Variants in ENOSF1 observed in about 807,000 individuals in gnomAD.
The protein encoded by ENOSF1 is mitochondrial enolase superfamily member 1.
ENOSF1 carries 73 observed loss-of-function variants against 68.2 expected under a neutral mutation model. The observed-to-expected ratio is 1.07, with a 90% CI of 0.89 to 1.30. ENOSF1 has a LOEUF of 1.30. ENOSF1 is among the 50% of genes most tolerant of loss of function. The probability of loss-of-function intolerance (pLI) is 0.00; values close to 1 mark genes in which losing one functional copy is unlikely to be tolerated. For missense variants in ENOSF1, 589 were observed against 554.5 expected (o/e 1.06, Z -0.62); for synonymous variants, 223 against 210.4 (o/e 1.06, Z -0.52).
chr18:683,020 T>G (rs2076234533), intron 11 of ENOSF1: 1 of 503,462 alleles, frequency 2.0e-6, no homozygotes, highest in African/African-American at 1.9e-5. Flanking sequence ...TTTTAGCAGC[T>G]TACTTTATCT....
intron 2 of ENOSF1, among the ~76,000 whole-genome samples, chr18:705,768 C>T (rs575974240): frequency 2.6e-5 from 4 of 152,060 alleles, no homozygotes; most frequent in East Asian, 1.9e-4. Context: ...CAGCACTTTG[C>T]GAGGCTGAGA....
At position 696,556 on chromosome 18, in the gene ENOSF1, A is replaced by C. The variant is rs1161947794; in HGVS notation, c.309+684T>G. Among the ~76,000 whole-genome samples, 5 of 152,018 alleles carry C rather than the reference A, an allele frequency of 3.3e-5. No individual in the cohort carries two copies. In the East Asian group the frequency reaches 9.7e-4, roughly 30 times the overall value. On this transcript the variant is annotated intron_variant, in intron 3 of 15. Coordinates refer to ENST00000647584, the MANE Select transcript of ENOSF1 (RefSeq NM_017512.7). ...AACACTACTCACATTATTTCTCCATAAAGAGATTGCCCATTTAGTACTTTA... is the reference window on the plus strand; with the variant it reads ...AACACTACTCACATTATTTCTCCATCAAGAGATTGCCCATTTAGTACTTTA...
intron 11 of ENOSF1, among the ~76,000 whole-genome samples, chr18:682,712 T>G (rs890746926): frequency 2.6e-5 from 1 of 38,752 alleles, no homozygotes; most frequent in African/African-American, 1.0e-4. Context: ...CTACTAAAAA[T>G]ACCAAAAAAA....
rs2075084006 is a variant in ENOSF1 at position 671,999 on chromosome 18, C to CA, written c.*2305dup. On this transcript the variant is annotated 3_prime_UTR_variant, in exon 16 of 16. Transcript: ENST00000647584. Reference sequence around the variant, plus strand: ...TTCATCATGTTGGCCAGGCTAGTCTCAAACTCCTGACTTCAAGTGATCCAC... The same window carrying CA: ...TTCATCATGTTGGCCAGGCTAGTCTCAAAACTCCTGACTTCAAGTGATCCAC... The CA allele has an allele frequency of 1.3e-5, 2 of 152,740 alleles. No homozygotes were observed. Among genetic ancestry groups the CA allele is most frequent in the African/African-American group, 4.8e-5 (2 of 41,428 alleles). 9.5% of individuals were successfully genotyped at this position (152,740 alleles called of 1,614,324 possible).
At chr18:668,650 C>T (rs2853528), downstream of ENOSF1, among the ~76,000 whole-genome samples, 60,930 of 152,082 alleles carry the variant, frequency 0.4, 13,414 homozygotes, top group East Asian at 0.68. Flanking sequence ...TAAGATACAA[C>T]ACTCTCTGTG....
chr18:667,322 TGATGGTGATGGA>T (rs1356099917), downstream of ENOSF1, among the ~76,000 whole-genome samples: 3 of 33,392 alleles, frequency 9.0e-5, no homozygotes, highest in Admixed American at 2.7e-4. Flanking sequence ...ATGGAGATGG[TGATGGTGATGGA>T]GATGGTGATG....
At chr18:704,440 G>GAAAAAAA (rs11429267) in intron 2 of ENOSF1, among the ~76,000 whole-genome samples, 1,474 of 97,184 alleles carry the variant, frequency 0.015, 65 homozygotes, top group African/African-American at 0.052. Flanking sequence ...AAAAAGAAAA[G>GAAAAAAA]AAAAAAAAAA....
intron 2 of ENOSF1, among the ~76,000 whole-genome samples, chr18:697,603 T>C (rs2077878109): frequency 1.3e-5 from 2 of 151,934 alleles, no homozygotes; most frequent in African/African-American, 2.4e-5. Flanking sequence ...ATACAAAAAT[T>C]AGCAGGGCAC....
downstream of ENOSF1, chr18:669,295 GAT>G (rs2074933009): frequency 1.4e-4 from 39 of 285,392 alleles, no homozygotes; most frequent in Non-Finnish European, 1.5e-4. Context: ...CCACATGGTT[GAT>G]TGTGTGACGT....
At chr18:668,351 AAGG>A (rs1194313705), downstream of ENOSF1, among the ~76,000 whole-genome samples, 12 of 152,288 alleles carry the variant, frequency 7.9e-5, no homozygotes, top group East Asian at 2.3e-3. Flanking sequence ...AATTTAACCA[AAGG>A]AGATTATGAA....
chr18:670,909 T>C lies in ENOSF1; in HGVS notation c.*3396A>G, dbSNP rs1481435469. On this transcript the variant is annotated 3_prime_UTR_variant, in exon 16 of 16. Transcript: ENST00000647584. ...AGGGTGACTTGCCAGCCTACCACAC[T>C]GAGCTCTTCAGTTCTTTAATATGGG... 1.9e-6 allele frequency: 3 copies of C among 1,603,714 alleles called. No individual in the cohort carries two copies. Among genetic ancestry groups the C allele is most frequent in the Non-Finnish European group, 2.6e-6 (3 of 1,174,274 alleles).
Position 691,073 on chromosome 18 carries a change from T to A in ENOSF1, c.530A>T (p.Glu177Val), listed in dbSNP as rs2077108552. 1.2e-6 allele frequency: 2 copies of A among 1,613,988 alleles called. No individual in the cohort carries two copies. Among genetic ancestry groups the A allele is most frequent in the Non-Finnish European group, 1.7e-6 (2 of 1,180,016 alleles). The change falls in exon 7 of 16, where the codon GAA becomes GTA. Residue 177 changes from glutamate (E) to valine (V), a missense_variant. By Grantham distance (121) the Glu-to-Val change is moderately radical. Coordinates refer to ENST00000647584, the MANE Select transcript of ENOSF1 (RefSeq NM_017512.7). ...AAAATTTTCTTACAACCCACCTCTTTCTTTTTTACCAATTTGACCTTTCTG... is the reference window on the plus strand; with the variant it reads ...AAAATTTTCTTACAACCCACCTCTTACTTTTTTACCAATTTGACCTTTCTG... ...ILQKGQIGKK[E>V]REKQMLAQGY...
At chr18:706,773 C>G (rs1415006678) in intron 1 of ENOSF1, 195 bp from the exon 2 acceptor site, 1 of 375,906 alleles carries the variant, frequency 2.7e-6, no homozygotes, top group African/African-American at 2.1e-5. Context: ...CCTGAAAGAT[C>G]CAAAATGTTT....
chr18:678,517 AC>A, intron 12 of ENOSF1, 178 bp downstream of exon 12: 1 of 592,472 alleles, frequency 1.7e-6, no homozygotes, highest in Non-Finnish European at 3.0e-6. Flanking sequence ...ATAGCCACAA[AC>A]TTTTTCTATA....
chr18:694,842 T>C lies in ENOSF1; in HGVS notation c.310-508A>G, dbSNP rs568945688. ...TCTATATATATGTTAAGTATATGTA[T>C]GTATATACATATGAACACACACACA... On this transcript the variant is annotated intron_variant, in intron 3 of 15. Coordinates refer to ENST00000647584, the MANE Select transcript of ENOSF1 (RefSeq NM_017512.7). Among the ~76,000 whole-genome samples the C allele has an allele frequency of 1.3e-3, 200 of 152,290 alleles. 1 individual carries two copies. The highest frequency in any genetic ancestry group is 2.5e-3 in the Non-Finnish European group (167 of 68,022).
chr18:697,233 C>T lies in ENOSF1; in HGVS notation c.309+7G>A, dbSNP rs771017553. On this transcript the variant is annotated splice_region_variant and intron_variant, in intron 3 of 15. Transcript: ENST00000647584. ...TATGTAAGCATTTTACAAAATAGGT[C>T]CCTTACCCATCTGAGCTGCCCATCA... 5.0e-6 allele frequency: 8 copies of T among 1,603,848 alleles called. No homozygotes were observed. Among genetic ancestry groups the T allele is most frequent in the Non-Finnish European group, 5.1e-6 (6 of 1,170,668 alleles).
rs769919044 is a variant in ENOSF1 at position 678,871 on chromosome 18, G to A, written c.877-134C>T. 232 of 869,350 alleles carry A rather than the reference G, an allele frequency of 2.7e-4. 1 individual carries two copies. Among genetic ancestry groups the A allele is most frequent in the Admixed American group, 7.1e-4 (34 of 47,906 alleles). The allele number at this position is 869,350 out of a possible 1,614,324, so 53.9% of individuals were successfully genotyped here. On this transcript the variant is annotated intron_variant, in intron 11 of 15. Transcript: ENST00000647584. ...ATGTGAAGGCTCAAGACTGGCAAAG[G>A]ATGTCCAGGGGAACACATGCGTGCG... is the stretch of plus-strand genomic sequence containing the variant.
intron 1 of ENOSF1, among the ~76,000 whole-genome samples, chr18:709,914 T>G (rs1011596513): frequency 6.6e-6 from 1 of 152,178 alleles, no homozygotes; most frequent in Non-Finnish European, 1.5e-5. Context: ...GCCATCTCCA[T>G]GGTGAACTGC....
In ENOSF1 at chr18:671,021, T is replaced by C; in HGVS notation, c.*3284A>G. On this transcript the variant is annotated 3_prime_UTR_variant, in exon 16 of 16. Transcript: ENST00000647584. ...ATGAACCAGCTTTTACTTTGAAACC[T>C]TCCTCTTCTGGAAGGTTTTCTGGCC... 1.1e-6 allele frequency: 1 copy of C among 945,110 alleles called. No individual in the cohort carries two copies. The highest frequency in any genetic ancestry group is 1.5e-6 in the Non-Finnish European group (1 of 648,060). 58.5% of individuals were successfully genotyped at this position (945,110 alleles called of 1,614,324 possible). A position where few individuals can be genotyped will look rare whatever the true frequency, so the allele number is the denominator to read the frequency against.
Sources: gnomAD v4.1 joint callset for allele counts (sites outside exome capture counted in the v4.1 genomes callset) on GRCh38, gnomAD v4.1.1 for gene constraint, MANE v1.5 for transcripts, NCBI Gene and HGNC (gene_info 2026-07-23, HGNC 2026-07-21) for gene names.